The following RIPOR1 variants were observed in gnomAD, a reference collection of about 807,000 sequenced individuals.
RIPOR1 encodes RHO family interacting cell polarization regulator 1.
A neutral mutation model predicts 116.5 loss-of-function variants in RIPOR1; 58 were observed. The ratio of observed to expected loss-of-function variants is 0.50; its 90% CI spans 0.40 to 0.62. The LOEUF (loss-of-function observed/expected upper bound fraction) is 0.62, where lower values mean the gene tolerates loss of function less well. Among genes scored for constraint, RIPOR1 ranks in the 20% least tolerant of loss-of-function variants. The probability of loss-of-function intolerance (pLI) is 0.00; values close to 1 mark genes in which losing one functional copy is unlikely to be tolerated. For missense variants in RIPOR1, 1,372 were observed against 1,586.2 expected (o/e 0.86, Z 2.29); for synonymous variants, 605 against 650.0 (o/e 0.93, Z 1.05).
Position 67,529,941 on chromosome 16 carries a change from C to T in RIPOR1, c.-24+1027C>T. 1.1e-6 allele frequency: 1 copy of T among 892,852 alleles called. No individual in the cohort carries two copies. The highest frequency in any genetic ancestry group is 1.4e-5 in the South Asian group (1 of 71,264). 55.3% of individuals were successfully genotyped at this position (892,852 alleles called of 1,614,324 possible). On this transcript the variant is annotated intron_variant, in intron 1 of 21. Coordinates refer to ENST00000042381, the MANE Select transcript of RIPOR1 (RefSeq NM_024519.4). This position sits in a 1 kb window ranked among gnomAD's most constrained non-coding sequence, Gnocchi z 4.1. The stretch of plus-strand genomic sequence containing the variant: ...GAGTCCTTGCCCCTGCGACACCCAC[C>T]TCCGTGGTATTGGAGGGAGGAGAGG...
At chr16:67,525,848 T>A (rs1385947256), upstream of RIPOR1, among the ~76,000 whole-genome samples, 1 of 151,944 alleles carries the variant, frequency 6.6e-6, no homozygotes, top group Non-Finnish European at 1.5e-5. Flanking sequence ...GAGCTCAGAG[T>A]CTGCCCTTCC....
chr16:67,518,400 G>C (rs1407991377), upstream of RIPOR1: 8 of 152,330 alleles, frequency 5.3e-5, no homozygotes, highest in African/African-American at 1.9e-4. Flanking sequence ...TGAAGAAGGA[G>C]GCAGTTCATT....
At chr16:67,534,930 C>T (rs1597628291) in intron 1 of RIPOR1, among the ~76,000 whole-genome samples, 1 of 146,982 alleles carries the variant, frequency 6.8e-6, no homozygotes, top group Non-Finnish European at 1.5e-5. Context: ...GCAGCCTCTG[C>T]GTCCCAGGTT....
Position 67,531,353 on chromosome 16 carries a change from C to T in RIPOR1, c.-24+2439C>T, listed in dbSNP as rs998772162. Reference sequence around the variant, plus strand: ...CCTTCATCTCCCAGGTGCTACAGGACCCCCAGAGCGCTGTGGTGAGCCAAG... The same window carrying T: ...CCTTCATCTCCCAGGTGCTACAGGATCCCCAGAGCGCTGTGGTGAGCCAAG... On this transcript the variant is annotated intron_variant, in intron 1 of 21. Coordinates refer to ENST00000042381, the MANE Select transcript of RIPOR1 (RefSeq NM_024519.4). This position sits in a 1 kb window ranked among gnomAD's most constrained non-coding sequence, Gnocchi z 4.2. Among the ~76,000 whole-genome samples, 2 of 151,360 alleles carry T rather than the reference C, an allele frequency of 1.3e-5. No individual in the cohort carries two copies. The highest frequency in any genetic ancestry group is 4.9e-5 in the African/African-American group (2 of 41,136).
At chr16:67,525,260 G>A (rs932656619), upstream of RIPOR1, among the ~76,000 whole-genome samples, 1 of 152,186 alleles carries the variant, frequency 6.6e-6, no homozygotes, top group African/African-American at 2.4e-5. Context: ...GGACTTGGGA[G>A]GTGCAGAGAC....
chr16:67,536,073 G>A (rs2050786500), intron 1 of RIPOR1, among the ~76,000 whole-genome samples: 1 of 152,170 alleles, frequency 6.6e-6, no homozygotes, highest in Admixed American at 6.5e-5. Flanking sequence ...ATGGGATGGG[G>A]GAGCATCCAG....
rs766797782 is a variant in RIPOR1, at chr16:67,545,549, C to A, written c.3190+15C>A. The A allele has an allele frequency of 6.2e-7, 1 of 1,613,538 alleles. No individual in the cohort carries two copies. Reference sequence around the variant, plus strand: ...CGCTGAGGAGGGTGAGGCGGTGGCCCTGATCACATAGTGGCCTCTTGGGGT... The same window carrying A: ...CGCTGAGGAGGGTGAGGCGGTGGCCATGATCACATAGTGGCCTCTTGGGGT... On this transcript the variant is annotated intron_variant, in intron 18 of 21. Transcript: ENST00000042381. The surrounding 1 kb of genome is among the most constrained non-coding windows in gnomAD (Gnocchi z 4.8).
chr16:67,530,247 G>C lies in RIPOR1; in HGVS notation c.-24+1333G>C, dbSNP rs530437500. ...ACTCAGCCCTGGCCAGGCCCGGCCCGGGGGAGGCCGCCTGGCTCCCAGCGC... is the reference window on the plus strand; with the variant it reads ...ACTCAGCCCTGGCCAGGCCCGGCCCCGGGGAGGCCGCCTGGCTCCCAGCGC... On this transcript the variant is annotated intron_variant, in intron 1 of 21. Coordinates refer to ENST00000042381, the MANE Select transcript of RIPOR1 (RefSeq NM_024519.4). The surrounding 1 kb of genome is among the most constrained non-coding windows in gnomAD (Gnocchi z 4.5). Among the ~76,000 whole-genome samples the C allele has an allele frequency of 9.4e-4, 143 of 152,268 alleles. 2 individuals are homozygous for C. In the East Asian group the frequency reaches 0.023, roughly 25 times the overall value.
Position 67,544,607 on chromosome 16 carries a change from C to T in RIPOR1, c.2734-88C>T, listed in dbSNP as rs1335508923. On this transcript the variant is annotated intron_variant, in intron 15 of 21. Coordinates refer to ENST00000042381, the MANE Select transcript of RIPOR1 (RefSeq NM_024519.4). This position sits in a 1 kb window ranked among gnomAD's most constrained non-coding sequence, Gnocchi z 5.1. ...TCCCAACTCTGCAACCCCAACCTCC[C>T]CCAGTGCATGCTGGGACTTGTCCCT... The T allele has an allele frequency of 6.3e-7, 1 of 1,582,304 alleles. No individual in the cohort carries two copies. The highest frequency in any genetic ancestry group is 8.6e-7 in the Non-Finnish European group (1 of 1,164,364).
chr16:67,533,209 G>A (rs2050706410), intron 1 of RIPOR1, among the ~76,000 whole-genome samples: 1 of 152,136 alleles, frequency 6.6e-6, no homozygotes, highest in Non-Finnish European at 1.5e-5. Context: ...GGTGGAAAGT[G>A]GTGAATTTGG....
Position 67,537,803 on chromosome 16 carries a change from T to C in RIPOR1, c.-23-621T>C, listed in dbSNP as rs748765655. Among the ~76,000 whole-genome samples, 32 of 151,780 alleles carry C rather than the reference T, an allele frequency of 2.1e-4. No homozygotes were observed. Among genetic ancestry groups the C allele is most frequent in the Non-Finnish European group, 3.4e-4 (23 of 67,888 alleles). On this transcript the variant is annotated intron_variant, in intron 1 of 21. Coordinates refer to ENST00000042381, the MANE Select transcript of RIPOR1 (RefSeq NM_024519.4). This position sits in a 1 kb window ranked among gnomAD's most constrained non-coding sequence, Gnocchi z 4.6. ...GAAAGAGGAGGGGGCGGGGCCCTTC[T>C]CGGCATCGCGCCCAGCTCTGGGAAT...
Position 67,542,980 on chromosome 16 carries a change from T to G in RIPOR1, c.2194T>G (p.Ser732Ala). The G allele has an allele frequency of 6.3e-7, 1 of 1,577,026 alleles. No homozygotes were observed. Among genetic ancestry groups the G allele is most frequent in the African/African-American group, 1.4e-5 (1 of 73,938 alleles). Residue 732 changes from serine (S) to alanine (A), a missense_variant, in exon 13 of 22, where the codon TCC (serine) becomes GCC (alanine). This residue lies in a region of RIPOR1 where 1,005 missense variants were observed against 1,144.7 expected (regional missense o/e 0.88). Coordinates refer to ENST00000042381, the MANE Select transcript of RIPOR1 (RefSeq NM_024519.4). This position sits in a 1 kb window ranked among gnomAD's most constrained non-coding sequence, Gnocchi z 4.6. ...AACTCCCCACCCAAGTCCTGCCCATTCCAGTAGGAAACCCCTCACAAGCCC... is the reference window on the plus strand; with the variant it reads ...AACTCCCCACCCAAGTCCTGCCCATGCCAGTAGGAAACCCCTCACAAGCCC... ...PRTPHPSPAHSSRKPLTSPAP... is the reference protein window; with the variant it reads ...PRTPHPSPAHASRKPLTSPAP...
chr16:67,541,694 T>A lies in RIPOR1; in HGVS notation c.992T>A (p.Val331Asp). The part of the protein sequence containing the change: ...KDDQPSAASS[V>D]NKASTVTKRF... Reference sequence around the variant, plus strand: ...GACCAGCCCTCAGCTGCTTCTTCTGTCAACAAGGCCTCCACAGTCACCAAG... The same window carrying A: ...GACCAGCCCTCAGCTGCTTCTTCTGACAACAAGGCCTCCACAGTCACCAAG... The change falls in exon 12 of 22, where the codon GTC becomes GAC. Residue 331 changes from valine (V) to aspartate (D), a missense_variant. This residue lies in a region of RIPOR1 where 1,005 missense variants were observed against 1,144.7 expected (regional missense o/e 0.88). Coordinates refer to ENST00000042381, the MANE Select transcript of RIPOR1 (RefSeq NM_024519.4). The surrounding 1 kb of genome is among the most constrained non-coding windows in gnomAD (Gnocchi z 4.6). The A allele has an allele frequency of 6.2e-7, 1 of 1,613,898 alleles. No homozygotes were observed. The highest frequency in any genetic ancestry group is 8.5e-7 in the Non-Finnish European group (1 of 1,179,934).
chr16:67,538,331 A>C, intron 1 of RIPOR1, 93 bp from the exon 2 acceptor site: 1 of 1,457,808 alleles, frequency 6.9e-7, no homozygotes, highest in Non-Finnish European at 9.2e-7. Flanking sequence ...GTGCCTAGCG[A>C]CAGGAAAGAC....
chr16:67,533,494 G>A (rs973041430), intron 1 of RIPOR1, among the ~76,000 whole-genome samples: 3 of 152,030 alleles, frequency 2.0e-5, no homozygotes, highest in African/African-American at 4.8e-5. Flanking sequence ...GAAAACCAGC[G>A]TATTGTCTCT....
rs2051017403 is a variant in RIPOR1 at position 67,542,469 on chromosome 16, T to G, written c.1683T>G (p.Ser561Arg). The change falls in exon 13 of 22, where the codon AGT (serine) becomes AGG (arginine). Residue 561 changes from serine (S) to arginine (R), a missense_variant. By Grantham distance (110) the Ser-to-Arg change is moderately radical. This residue lies in a region of RIPOR1 where 1,005 missense variants were observed against 1,144.7 expected (regional missense o/e 0.88). Coordinates refer to ENST00000042381, the MANE Select transcript of RIPOR1 (RefSeq NM_024519.4). The surrounding 1 kb of genome is among the most constrained non-coding windows in gnomAD (Gnocchi z 4.6). Reference protein sequence around the residue: ...STYSAITTTHSAPSPLTHTTT... With the variant: ...STYSAITTTHRAPSPLTHTTT... ...ATAGTGCCATTACCACTACCCACAG[T>G]GCTCCAAGCCCCCTCACTCACACTA... is the stretch of plus-strand genomic sequence containing the variant. 1.9e-6 allele frequency: 3 copies of G among 1,613,696 alleles called. No homozygotes were observed. The highest frequency in any genetic ancestry group is 2.5e-6 in the Non-Finnish European group (3 of 1,179,938).
chr16:67,539,388 C>A (rs2050903656), intron 4 of RIPOR1: 1 of 524,328 alleles, frequency 1.9e-6, no homozygotes, highest in Non-Finnish European at 3.4e-6. Context: ...GAGGTTAGGG[C>A]TTCCTGGAGG....
In RIPOR1 at chr16:67,540,062, C is replaced by T. The variant is rs2050929391; in HGVS notation, c.424C>T (p.Leu142=). The change falls in exon 7 of 22, where the codon CTG becomes TTG. Residue 142 remains leucine, a synonymous_variant. Transcript: ENST00000042381. This position sits in a 1 kb window ranked among gnomAD's most constrained non-coding sequence, Gnocchi z 4.7. The part of the protein sequence containing the change: ...LEFHASKIDE[L]YEAYCVQRRL... ...CCACTCACCTTCCCAGATCGATGAG[C>T]TGTATGAGGCATACTGTGTCCAGCG... 6.2e-7 allele frequency: 1 copy of T among 1,614,068 alleles called. No individual in the cohort carries two copies. Among genetic ancestry groups the T allele is most frequent in the African/African-American group, 1.3e-5 (1 of 74,928 alleles).
rs1389208298 is a variant in RIPOR1 at position 67,541,045 on chromosome 16, GC to G, written c.801+342del. Among the ~76,000 whole-genome samples the G allele has an allele frequency of 2.0e-5, 3 of 152,012 alleles. No homozygotes were observed. The highest frequency in any genetic ancestry group is 4.4e-5 in the Non-Finnish European group (3 of 67,990). On this transcript the variant is annotated intron_variant, in intron 10 of 21. Transcript: ENST00000042381. This position sits in a 1 kb window ranked among gnomAD's most constrained non-coding sequence, Gnocchi z 4.6. Reference sequence around the variant, plus strand: ...TCCCAGGCTGCTTCAAGCATCCATGGCTCCATGAGCATGCATGTGTCTGTCT... The same window carrying G: ...TCCCAGGCTGCTTCAAGCATCCATGGTCCATGAGCATGCATGTGTCTGTCT...
Sources: allele counts gnomAD v4.1 joint callset (sites outside exome capture counted in the v4.1 genomes callset), GRCh38; gene constraint gnomAD v4.1.1; regional missense constraint gnomAD v4.1.1; non-coding constraint Gnocchi (gnomAD v3.1); transcripts MANE v1.5; gene names NCBI Gene and HGNC (gene_info 2026-07-23, HGNC 2026-07-21).